Variants in C4orf50 observed in about 807,000 individuals in gnomAD.
C4orf50 encodes uncharacterized protein C4orf50.
Under a neutral mutation model 77.2 loss-of-function variants are expected in C4orf50, and 80 were observed. The observed-to-expected ratio is 1.04, with a 90% confidence interval of 0.87 to 1.25. The LOEUF is 1.25. C4orf50 is among the 50% of genes most tolerant of loss of function. The probability of loss-of-function intolerance (pLI) is 0.00; values close to 1 mark genes in which losing one functional copy is unlikely to be tolerated. For missense variants in C4orf50, 1,257 were observed against 1,152.9 expected, an observed-to-expected ratio of 1.09 and a Z score of -1.31; for synonymous variants, 532 against 465.3, an observed-to-expected ratio of 1.14 and a Z score of -1.84.
intron 7 of C4orf50, among the ~76,000 whole-genome samples, chr4:5,928,920 T>G (rs373406952): frequency 6.6e-6 from 1 of 152,014 alleles, no homozygotes; most frequent in Admixed American, 6.5e-5. Context: ...TTCTGGGGGG[T>G]TTTGACTTTG....
chr4:6,001,220 C>G (rs1173497184), intron 25 of C4orf50, among the ~76,000 whole-genome samples: 1 of 152,186 alleles, frequency 6.6e-6, no homozygotes, highest in Non-Finnish European at 1.5e-5. Context: ...GCGATCTCAG[C>G]TCACTGCAAC....
Position 5,919,626 on chromosome 4 carries a change from T to TA in C4orf50, c.*2475-21439dup, listed in dbSNP as rs1717179162. Among the ~76,000 whole-genome samples the TA allele has an allele frequency of 6.6e-6, 1 of 152,110 alleles. No homozygotes were observed. The highest frequency in any genetic ancestry group is 1.5e-5 in the Non-Finnish European group (1 of 68,000). On this transcript the variant is annotated intron_variant, in intron 7 of 7. Coordinates refer to the C4orf50 transcript ENST00000324058. This position sits in a 1 kb window ranked among gnomAD's most constrained non-coding sequence, Gnocchi z 6.5. ...TGCAACCACCCTGACCCCAAGGCAT[T>TA]AACCCCAGGTCAGCAAACGCCACAC... is the stretch of plus-strand genomic sequence containing the variant.
intron 33 of C4orf50, among the ~76,000 whole-genome samples, chr4:5,964,006 G>A (rs1229407671): frequency 7.1e-6 from 1 of 140,644 alleles, no homozygotes; most frequent in African/African-American, 2.8e-5. Context: ...CCTGCAGTAT[G>A]TGCAACTAGA....
intron 7 of C4orf50, among the ~76,000 whole-genome samples, chr4:5,933,764 G>A (rs1424468380): frequency 6.6e-6 from 1 of 152,166 alleles, no homozygotes; most frequent in East Asian, 1.9e-4. Flanking sequence ...CCCCCTTGAA[G>A]GACACTGTTC....
At chr4:5,921,056 C>G (rs1340909006) in intron 7 of C4orf50, among the ~76,000 whole-genome samples, 1 of 152,182 alleles carries the variant, frequency 6.6e-6, no homozygotes, top group Non-Finnish European at 1.5e-5. Context: ...TCTGAGTGAC[C>G]TGAGACCTTG....
exon 26 of C4orf50, chr4:5,994,443 G>C (rs981953860): frequency 5.0e-6 from 2 of 399,106 alleles, no homozygotes; most frequent in Non-Finnish European, 8.8e-6. Flanking sequence ...CTGGGCAGGG[G>C]CAGTGAGTCA....
At chr4:5,907,355 A>G (rs962085913) in intron 7 of C4orf50, among the ~76,000 whole-genome samples, 6 of 152,100 alleles carry the variant, frequency 3.9e-5, no homozygotes, top group African/African-American at 1.4e-4. Context: ...AAGTTTCATC[A>G]AAAAAAATCA....
chr4:6,017,096 C>A lies in C4orf50; in HGVS notation c.287+1049G>T, dbSNP rs1027692984. 6.6e-6 allele frequency among the ~76,000 whole-genome samples: 1 copy of A among 152,242 alleles called. No individual in the cohort carries two copies. Among genetic ancestry groups the A allele is most frequent in the Non-Finnish European group, 1.5e-5 (1 of 68,038 alleles). On this transcript the variant is annotated intron_variant, in intron 23 of 33. Transcript: ENST00000531445. The surrounding 1 kb of genome is among the most constrained non-coding windows in gnomAD (Gnocchi z 4.7). ...AGAGAAAGACCTGGATTCAAACGCC[C>A]CACCTTGAGGCCAGGTCAGCTCCAT...
At chr4:5,993,045 G>T in intron 26 of C4orf50, 115 bp from the exon 5 acceptor site, 1 of 360,412 alleles carries the variant, frequency 2.8e-6, no homozygotes, top group Non-Finnish European at 4.7e-6. Flanking sequence ...CCCCACCCCC[G>T]ACTGTGAGCC....
chr4:5,923,548 G>A (rs963859800), intron 7 of C4orf50, among the ~76,000 whole-genome samples: 1 of 152,040 alleles, frequency 6.6e-6, no homozygotes, highest in African/African-American at 2.4e-5. Flanking sequence ...ATGATAGAAA[G>A]GAGGCAGAAC....
exon 8 of C4orf50, chr4:5,897,596 G>A (rs1716175829): frequency 1.3e-5 from 2 of 151,842 alleles, no homozygotes; most frequent in South Asian, 2.1e-4. Flanking sequence ...ATTCAGAAGG[G>A]AAAAAAACCC....
chr4:6,004,027 G>GTGATAGTGATGA (rs1722025200), intron 25 of C4orf50, among the ~76,000 whole-genome samples: 5 of 30,752 alleles, frequency 1.6e-4, no homozygotes, highest in African/African-American at 3.3e-4. Flanking sequence ...TGGTGATAAT[G>GTGATAGTGATGA]TGATAGTGAT....
chr4:5,965,052 G>C, exon 33 of C4orf50: 1 of 1,613,510 alleles, frequency 6.2e-7, no homozygotes. Context: ...GGCTGTCTGT[G>C]CTGGCCACTC....
downstream of C4orf50, among the ~76,000 whole-genome samples, chr4:5,954,955 G>A (rs78755185): frequency 8.4e-3 from 1,272 of 152,118 alleles, 14 homozygotes; most frequent in African/African-American, 0.029. The surrounding 1 kb of genome is among the most constrained non-coding windows in gnomAD (Gnocchi z 4.7). Context: ...GGACAGGCTC[G>A]TTACAACCCC....
chr4:5,951,704 G>A (rs1459737636), intron 7 of C4orf50, among the ~76,000 whole-genome samples: 2 of 152,222 alleles, frequency 1.3e-5, no homozygotes, highest in East Asian at 1.9e-4. Flanking sequence ...GCTGAAGAGA[G>A]TCTGAAGTCT....
At chr4:5,939,899 G>A (rs916319321) in intron 7 of C4orf50, among the ~76,000 whole-genome samples, 2 of 152,158 alleles carry the variant, frequency 1.3e-5, no homozygotes, top group African/African-American at 4.8e-5. Context: ...AGTGGTTCTG[G>A]CCAGTCTACC....
At chr4:6,004,048 G>C (rs62643956) in intron 25 of C4orf50, among the ~76,000 whole-genome samples, 1 of 52,362 alleles carries the variant, frequency 1.9e-5, no homozygotes, top group African/African-American at 7.3e-5. Context: ...GATGGTGATG[G>C]TGATGATGGT....
intron 25 of C4orf50, among the ~76,000 whole-genome samples, chr4:6,005,095 C>A (rs1396589405): frequency 6.6e-6 from 1 of 152,170 alleles, no homozygotes; most frequent in Non-Finnish European, 1.5e-5. Flanking sequence ...GTGCTGGAAT[C>A]CTCCATCATC....
chr4:5,965,277 G>T, intron 32 of C4orf50, 132 bp from the exon 11 acceptor site: 1 of 885,720 alleles, frequency 1.1e-6, no homozygotes. Flanking sequence ...CATGCCCCGG[G>T]GCAGAGGTCC....
Sources: allele counts gnomAD v4.1 joint callset (sites outside exome capture counted in the v4.1 genomes callset), GRCh38; gene constraint gnomAD v4.1.1; non-coding constraint Gnocchi (gnomAD v3.1); transcripts MANE v1.5; gene names NCBI Gene and HGNC (gene_info 2026-07-23, HGNC 2026-07-21).